The following PPP4R1 variants were observed in gnomAD, a reference collection of about 807,000 sequenced individuals.
PPP4R1 encodes protein phosphatase 4 regulatory subunit 1, also known as serine/threonine-protein phosphatase 4 regulatory subunit 1.
PPP4R1 carries 42 observed loss-of-function variants against 111.2 expected under a neutral mutation model. The ratio of observed to expected loss-of-function variants is 0.38; its 90% CI spans 0.29 to 0.49. The LOEUF (loss-of-function observed/expected upper bound fraction) is 0.49. PPP4R1 is among the 20% of genes least tolerant of loss of function. The probability of loss-of-function intolerance (pLI) is 0.97; values close to 1 mark genes in which losing one functional copy is unlikely to be tolerated. For synonymous variants in PPP4R1, 409 were observed against 405.5 expected (o/e 1.01, Z -0.10); for missense variants, 1,012 against 1,161.6 (o/e 0.87, Z 1.87).
intron 9 of PPP4R1, among the ~76,000 whole-genome samples, chr18:9,581,611 A>C (rs2067031206): frequency 6.6e-6 from 1 of 152,216 alleles, no homozygotes; most frequent in African/African-American, 2.4e-5. Flanking sequence ...TAACATATAC[A>C]TAATGGGAAT....
At chr18:9,607,655 T>C (rs2067503704) in intron 2 of PPP4R1, among the ~76,000 whole-genome samples, 1 of 152,130 alleles carries the variant, frequency 6.6e-6, no homozygotes, top group African/African-American at 2.4e-5. Context: ...TAAGAGTGGC[T>C]AAAATTAAGA....
intron 9 of PPP4R1, among the ~76,000 whole-genome samples, chr18:9,580,380 C>T (rs569375890): frequency 8.0e-5 from 12 of 149,462 alleles, no homozygotes; most frequent in Admixed American, 2.7e-4. Context: ...GACAGAGTCT[C>T]GCTCTATTGC....
At position 9,570,443 on chromosome 18, in the gene PPP4R1, G is replaced by A; in HGVS notation, c.1287C>T (p.Asn429=). The change falls in exon 11 of 20, where the codon AAC becomes AAT. Residue 429 remains asparagine, a synonymous_variant. Coordinates refer to ENST00000400556, the MANE Select transcript of PPP4R1 (RefSeq NM_001042388.3). The part of the protein sequence containing the change: ...ASNENDKKPG[N]YKSMLRPEVG... ...CCTCTGGTCGTAACATAGATTTGTA[G>A]TTACCAGGTTTTTTATCATTCTCAT... The A allele has an allele frequency of 6.2e-7, 1 of 1,614,190 alleles. No homozygotes were observed. Among genetic ancestry groups the A allele is most frequent in the African/African-American group, 1.3e-5 (1 of 75,052 alleles).
chr18:9,575,534 T>C (rs1385594381), intron 10 of PPP4R1, among the ~76,000 whole-genome samples: 1 of 152,222 alleles, frequency 6.6e-6, no homozygotes, highest in Non-Finnish European at 1.5e-5. Flanking sequence ...TAATAAGCTC[T>C]AATATTACTG....
chr18:9,608,662 A>G (rs543368008), intron 2 of PPP4R1, among the ~76,000 whole-genome samples: 1 of 152,342 alleles, frequency 6.6e-6, no homozygotes, highest in South Asian at 2.1e-4. Context: ...CTTCTGCCCA[A>G]AACACTAAGT....
chr18:9,563,688 T>A, intron 11 of PPP4R1, 138 bp from the exon 12 acceptor site: 1 of 736,838 alleles, frequency 1.4e-6, no homozygotes, highest in Non-Finnish European at 2.0e-6. Flanking sequence ...TGGAAAAAAA[T>A]TTCTACTGTG....
At chr18:9,611,812 G>C (rs780595018) in intron 2 of PPP4R1, among the ~76,000 whole-genome samples, 37 of 152,126 alleles carry the variant, frequency 2.4e-4, no homozygotes, top group Non-Finnish European at 2.9e-5. Context: ...GGGAGTTCGA[G>C]ACCAGCCTGA....
chr18:9,579,200 C>T lies in PPP4R1; in HGVS notation c.919-2009G>A, dbSNP rs372764565. 2.2e-4 allele frequency among the ~76,000 whole-genome samples: 34 copies of T among 152,212 alleles called. 1 individual carries two copies. The South Asian group carries it at 6.4e-3, about 29-fold the overall frequency. On this transcript the variant is annotated intron_variant, in intron 9 of 19. Transcript: ENST00000400556. ...CCTGTAATTGAGTAATTTTCCAACACTATAAAAATATTTCTACTTTGAGCT... is the reference window on the plus strand; with the variant it reads ...CCTGTAATTGAGTAATTTTCCAACATTATAAAAATATTTCTACTTTGAGCT...
chr18:9,593,294 T>C (rs1359600659), intron 4 of PPP4R1, among the ~76,000 whole-genome samples: 1 of 152,122 alleles, frequency 6.6e-6, no homozygotes, highest in Non-Finnish European at 1.5e-5. Context: ...AAGCCTTAAA[T>C]CAAGTTTACC....
At chr18:9,594,994 T>C (rs2067268802) in intron 3 of PPP4R1, 24 bp downstream of exon 3, 1 of 1,606,302 alleles carries the variant, frequency 6.2e-7, no homozygotes, top group Non-Finnish European at 8.5e-7. Context: ...CACTTCCACT[T>C]TAACAAAAAG....
chr18:9,549,117 C>A, intron 19 of PPP4R1, 80 bp downstream of exon 19: 1 of 1,504,632 alleles, frequency 6.6e-7, no homozygotes, highest in East Asian at 2.3e-5. Flanking sequence ...AATACTTCTG[C>A]TTTGATATCT....
intron 15 of PPP4R1, among the ~76,000 whole-genome samples, chr18:9,556,016 C>T (rs2066575378): frequency 7.0e-6 from 1 of 141,896 alleles, no homozygotes; most frequent in South Asian, 2.2e-4. Flanking sequence ...ACAAAATCGG[C>T]CGGGCTTAGT....
chr18:9,605,952 T>G (rs542997822), intron 2 of PPP4R1, among the ~76,000 whole-genome samples: 8 of 152,194 alleles, frequency 5.3e-5, no homozygotes, highest in Admixed American at 5.2e-4. Flanking sequence ...CATAACTGTA[T>G]AGAGAAGTAA....
rs2067656291 is a variant in PPP4R1, at chr18:9,614,530, A to G, written c.-46T>C. The stretch of plus-strand genomic sequence containing the variant: ...CGCGGCCGCCCGGGGAGCCGGGGCT[A>G]CATGGAGCGGCGCGAGCCGGGGAGC... On this transcript the variant is annotated 5_prime_UTR_variant, in exon 1 of 20. It removes the in-frame stop codon of an upstream open reading frame in the 5' UTR. Coordinates refer to ENST00000400556, the MANE Select transcript of PPP4R1 (RefSeq NM_001042388.3). This position sits in a 1 kb window ranked among gnomAD's most constrained non-coding sequence, Gnocchi z 4.1. The G allele has an allele frequency of 1.2e-4, 125 of 1,006,916 alleles. No homozygotes were observed. The highest frequency in any genetic ancestry group is 1.4e-4 in the Non-Finnish European group (120 of 845,484). The allele number at this position is 1,006,916 out of a possible 1,614,324, so 62.4% of individuals were successfully genotyped here. A position where few individuals can be genotyped will look rare whatever the true frequency, so the allele number is the denominator to read the frequency against.
At chr18:9,604,951 C>G (rs1273564691) in intron 2 of PPP4R1, among the ~76,000 whole-genome samples, 13 of 152,188 alleles carry the variant, frequency 8.5e-5, no homozygotes, top group Non-Finnish European at 1.8e-4. Context: ...AGCACATTAG[C>G]ATATTAATAC....
rs761659192 is a variant in PPP4R1, at chr18:9,561,960, C to T, written c.1842+20G>A. 1 of 1,570,660 alleles carries T rather than the reference C, an allele frequency of 6.4e-7. No individual in the cohort carries two copies. The highest frequency in any genetic ancestry group is 2.2e-5 in the East Asian group (1 of 44,520). On this transcript the variant is annotated intron_variant, in intron 13 of 19. Coordinates refer to ENST00000400556, the MANE Select transcript of PPP4R1 (RefSeq NM_001042388.3). ...AATTAGGAACACACCCACAAAAGAA[C>T]ACATTTTTTGGTCACTTACTTGTAC...
intron 14 of PPP4R1, among the ~76,000 whole-genome samples, chr18:9,558,171 C>T (rs329019): frequency 1 from 152,208 of 152,294 alleles, 76,061 homozygotes; most frequent in Non-Finnish European, 1. Flanking sequence ...AGAGCAAACA[C>T]TGTATTTCCT....
chr18:9,614,490 G>A lies in PPP4R1; in HGVS notation c.-6C>T. 1 of 1,031,238 alleles carries A rather than the reference G, an allele frequency of 9.7e-7. No individual in the cohort carries two copies. The highest frequency in any genetic ancestry group is 1.2e-6 in the Non-Finnish European group (1 of 860,564). The allele number at this position is 1,031,238 out of a possible 1,614,324, so 63.9% of individuals were successfully genotyped here. On this transcript the variant is annotated 5_prime_UTR_variant, in exon 1 of 20. Coordinates refer to ENST00000400556, the MANE Select transcript of PPP4R1 (RefSeq NM_001042388.3). The surrounding 1 kb of genome is among the most constrained non-coding windows in gnomAD (Gnocchi z 4.1). ...GGGGGCCACGTACCCGCCATCTTGT[G>A]GTCGCCCCCTCCTCCGCGGCCGCCC...
chr18:9,553,831 T>A (rs546876387), intron 15 of PPP4R1, among the ~76,000 whole-genome samples: 51 of 152,218 alleles, frequency 3.4e-4, no homozygotes, highest in Non-Finnish European at 6.9e-4. Flanking sequence ...GCATTCAGTA[T>A]TTGTTGAGAG....
Sources: allele counts gnomAD v4.1 joint callset (sites outside exome capture counted in the v4.1 genomes callset), GRCh38; gene constraint gnomAD v4.1.1; non-coding constraint Gnocchi (gnomAD v3.1); transcripts MANE v1.5; gene names NCBI Gene and HGNC (gene_info 2026-07-23, HGNC 2026-07-21).